Variants in ETV1 observed in about 807,000 individuals in gnomAD.
The protein encoded by ETV1 is ETS variant transcription factor 1.
ETV1 carries 27 observed loss-of-function variants against 62.3 expected under a neutral mutation model. That is an observed-to-expected ratio of 0.43 (90% confidence interval 0.32 to 0.60). The LOEUF (loss-of-function observed/expected upper bound fraction) is 0.60. ETV1 is among the 20% of genes least tolerant of loss of function. The pLI is 0.06. For missense variants in ETV1, 605 were observed against 605.8 expected, an observed-to-expected ratio of 1.00 and a Z score of 0.01; for synonymous variants, 222 against 199.6, an observed-to-expected ratio of 1.11 and a Z score of -0.94.
chr7:13,901,616 G>A (rs2128407672), intron 12 of ETV1, among the ~76,000 whole-genome samples: 1 of 152,274 alleles, frequency 6.6e-6, no homozygotes, highest in African/African-American at 2.4e-5. Flanking sequence ...CTATATGAAA[G>A]AGTGAACAAG....
At chr7:13,910,647 A>G (rs2128419661) in intron 10 of ETV1, 1 of 158,860 alleles carries the variant, frequency 6.3e-6, no homozygotes, top group South Asian at 2.0e-4. Context: ...TATTTCAGAA[A>G]TCCTTTATTG....
intron 6 of ETV1, among the ~76,000 whole-genome samples, chr7:13,965,860 AT>A (rs1790720954): frequency 6.6e-6 from 1 of 152,190 alleles, no homozygotes; most frequent in Non-Finnish European, 1.5e-5. Context: ...TTTTCAAACA[AT>A]TCAAGCCACC....
At chr7:13,981,187 C>T (rs1019366588) in intron 5 of ETV1, among the ~76,000 whole-genome samples, 1 of 151,944 alleles carries the variant, frequency 6.6e-6, no homozygotes, top group Non-Finnish European at 1.5e-5. Context: ...CAGTTCTATC[C>T]ACTGTAACAA....
intron 6 of ETV1, among the ~76,000 whole-genome samples, chr7:13,950,370 G>C (rs537664334): frequency 6.7e-6 from 1 of 149,832 alleles, no homozygotes; most frequent in African/African-American, 2.4e-5. Context: ...GTGTGTGTAT[G>C]AGAGAGAGAG....
chr7:13,898,923 C>T (rs1450510834), intron 13 of ETV1, among the ~76,000 whole-genome samples: 1 of 152,052 alleles, frequency 6.6e-6, no homozygotes, highest in Non-Finnish European at 1.5e-5. Context: ...TGCTGGAGCC[C>T]AGGAGTTCAG....
intron 10 of ETV1, among the ~76,000 whole-genome samples, chr7:13,910,750 C>G (rs1407726675): frequency 6.6e-6 from 1 of 152,180 alleles, no homozygotes; most frequent in East Asian, 1.9e-4. Context: ...TTACCACAAG[C>G]CTGTCTATGA....
In ETV1 at chr7:13,920,519, C is replaced by G. The variant is rs547993470; in HGVS notation, c.803-9212G>C. 1.2e-4 allele frequency among the ~76,000 whole-genome samples: 18 copies of G among 151,944 alleles called. No individual in the cohort carries two copies. In the South Asian group the frequency reaches 3.1e-3, roughly 26 times the overall value. Reference sequence around the variant, plus strand: ...ATGAAACTCCAGGCTCTATAGCGTCCATTCATGTAAGAGAAATGCTTACAG... The same window carrying G: ...ATGAAACTCCAGGCTCTATAGCGTCGATTCATGTAAGAGAAATGCTTACAG... On this transcript the variant is annotated intron_variant, in intron 9 of 13. Transcript: ENST00000430479.
At position 13,935,741 on chromosome 7, in the gene ETV1, G is replaced by C; in HGVS notation, c.521C>G (p.Ser174Cys). Residue 174 changes from serine to cysteine, a missense_variant, in exon 8 of 14, where the codon TCC becomes TGC. By Grantham distance (112) the Ser-to-Cys change is moderately radical. This residue lies in a region of ETV1 where 426 missense variants were observed against 377.8 expected (regional missense o/e 1.13). Coordinates refer to ENST00000430479, the MANE Select transcript of ETV1 (RefSeq NM_004956.5). ...AFPAHLPPSQ[S>C]IPDSSYPMDH... is the part of the protein sequence containing the mutation. ...CATGGGGTAGCTGCTATCTGGTATG[G>C]ACTGCGATGGAGGGAGGTGAGCTGG... 6.2e-7 allele frequency: 1 copy of C among 1,613,870 alleles called. No homozygotes were observed. The highest frequency in any genetic ancestry group is 8.5e-7 in the Non-Finnish European group (1 of 1,179,880).
At chr7:13,916,781 AG>A (rs1266666671) in intron 9 of ETV1, among the ~76,000 whole-genome samples, 1 of 152,104 alleles carries the variant, frequency 6.6e-6, no homozygotes, top group African/African-American at 2.4e-5. Flanking sequence ...ATACTTGAAA[AG>A]TTAGCTGGAT....
chr7:13,969,956 T>C (rs74409484), intron 6 of ETV1, among the ~76,000 whole-genome samples: 6,722 of 152,074 alleles, frequency 0.044, 524 homozygotes, highest in African/African-American at 0.15. Flanking sequence ...TAAACTGCTT[T>C]GACAAAATAT....
intron 6 of ETV1, among the ~76,000 whole-genome samples, chr7:13,977,026 C>T (rs765959211): frequency 6.6e-6 from 1 of 152,212 alleles, no homozygotes; most frequent in Non-Finnish European, 1.5e-5. Context: ...TAACTAATCT[C>T]AAGTAGTTTT....
At chr7:13,981,091 G>A (rs553738418) in intron 5 of ETV1, among the ~76,000 whole-genome samples, 1 of 151,292 alleles carries the variant, frequency 6.6e-6, no homozygotes, top group Non-Finnish European at 1.5e-5. Flanking sequence ...TGCCTGTTGG[G>A]TTTTTTTTTA....
intron 5 of ETV1, among the ~76,000 whole-genome samples, chr7:13,983,100 ACTC>A (rs1782166528): frequency 6.6e-6 from 1 of 151,852 alleles, no homozygotes; most frequent in Admixed American, 6.6e-5. Flanking sequence ...TGCAGATAAA[ACTC>A]CTACTCGAAG....
chr7:13,914,552 G>C (rs1421403091), intron 9 of ETV1, among the ~76,000 whole-genome samples: 2 of 147,916 alleles, frequency 1.4e-5, no homozygotes, highest in African/African-American at 5.0e-5. Flanking sequence ...TATCTAATTT[G>C]ATTAGTTTTC....
rs1011154347 is a variant in ETV1 at position 13,891,467 on chromosome 7, C to T, written c.*4399G>A. 5.2e-5 allele frequency: 12 copies of T among 231,506 alleles called. No homozygotes were observed. Among genetic ancestry groups the T allele is most frequent in the African/African-American group, 2.4e-4 (11 of 45,264 alleles). 14.3% of individuals were successfully genotyped at this position (231,506 alleles called of 1,614,324 possible). A position where few individuals can be genotyped will look rare whatever the true frequency, so the allele number is the denominator to read the frequency against. ...CATATGAATCCATAAACAATAGCCA[C>T]GGTATATACACTTGTAACTGAAAAT... On this transcript the variant is annotated 3_prime_UTR_variant, in exon 14 of 14. Coordinates refer to ENST00000430479, the MANE Select transcript of ETV1 (RefSeq NM_004956.5).
At chr7:13,988,754 C>G in intron 3 of ETV1, 1 of 1,612,486 alleles carries the variant, frequency 6.2e-7, no homozygotes, top group South Asian at 1.1e-5. Context: ...CCTCCATCTC[C>G]TCTTCCACTC....
intron 9 of ETV1, among the ~76,000 whole-genome samples, chr7:13,916,049 TG>T (rs1402797039): frequency 2.6e-5 from 4 of 151,980 alleles, no homozygotes; most frequent in African/African-American, 9.7e-5. Flanking sequence ...GAACTTCACA[TG>T]AATGTAACAT....
At chr7:13,961,713 A>C (rs1448993876) in intron 6 of ETV1, among the ~76,000 whole-genome samples, 1 of 152,196 alleles carries the variant, frequency 6.6e-6, no homozygotes, top group Admixed American at 6.5e-5. Flanking sequence ...CATAACCCAT[A>C]ATCTTACACA....
intron 6 of ETV1, among the ~76,000 whole-genome samples, chr7:13,974,386 G>C (rs772118770): frequency 1.3e-5 from 2 of 152,314 alleles, no homozygotes; most frequent in Middle Eastern, 3.4e-3. Context: ...TCAAGGCTTC[G>C]GTTGTAGAAG....
Sources: allele counts gnomAD v4.1 joint callset (sites outside exome capture counted in the v4.1 genomes callset), GRCh38; gene constraint gnomAD v4.1.1; regional missense constraint gnomAD v4.1.1; transcripts MANE v1.5; gene names NCBI Gene and HGNC (gene_info 2026-07-23, HGNC 2026-07-21).